Variants in NCR1 observed in about 807,000 individuals in gnomAD.
NCR1 encodes NK cell-activating receptor.
In NCR1, 30 loss-of-function variants were observed where a neutral mutation model predicts 32.5. The observed-to-expected ratio is 0.92, with a 90% CI of 0.69 to 1.25. The LOEUF (loss-of-function observed/expected upper bound fraction) is 1.25. Ranked by LOEUF, NCR1 falls within the 50% of genes most tolerant of loss-of-function variation. NCR1 has a pLI of 0.00. For missense variants in NCR1, 369 were observed against 380.7 expected (o/e 0.97, Z 0.26); for synonymous variants, 169 against 143.4 (o/e 1.18, Z -1.28).
At chr19:54,909,824 A>G (rs1347793916) in intron 4 of NCR1, among the ~76,000 whole-genome samples, 194 bp from the exon 5 acceptor site, 2 of 150,980 alleles carry the variant, frequency 1.3e-5, no homozygotes, top group East Asian at 3.9e-4. Context: ...AGTCCCAGCT[A>G]CTCAGGAGGC....
intron 3 of NCR1, among the ~76,000 whole-genome samples, chr19:54,907,593 C>A (rs1238256830): frequency 1.3e-5 from 2 of 150,164 alleles, no homozygotes; most frequent in South Asian, 2.1e-4. Context: ...TTTGTTTATA[C>A]CAGCAACACC....
chr19:54,922,710 C>T, the NCR1 span, among the ~76,000 whole-genome samples: 5 of 137,218 alleles, frequency 3.6e-5, no homozygotes, highest in African/African-American at 5.5e-5. Context: ...ACCTGGGAGG[C>T]GCGGTTGCAG....
At chr19:54,906,487 G>A in intron 2 of NCR1, 36 bp from the exon 3 acceptor site, 3 of 1,599,646 alleles carry the variant, frequency 1.9e-6, no homozygotes, top group Non-Finnish European at 2.5e-6. Context: ...GGGGGAGGGG[G>A]CTCCGCTGGA....
the NCR1 span, among the ~76,000 whole-genome samples, chr19:54,926,988 G>A: frequency 2.0e-5 from 3 of 151,784 alleles, no homozygotes; most frequent in Non-Finnish European, 4.4e-5. Flanking sequence ...TACTCAGGAG[G>A]TTGAGGCAGG....
At chr19:54,909,565 G>C (rs3765014) in intron 4 of NCR1, 42 bp downstream of exon 4, 1,221,244 of 1,572,516 alleles carry the variant, frequency 0.78, 482,230 homozygotes, top group Non-Finnish European at 0.82. Context: ...GCCGCCATGT[G>C]CTACCTGGAG....
chr19:54,927,572 AAAAC>A, the NCR1 span: 899,371 of 1,607,956 alleles, frequency 0.56, 253,779 homozygotes, highest in East Asian at 0.72. Context: ...ACAAAAACAA[AAAAC>A]AAAACAAAAC....
downstream of NCR1, among the ~76,000 whole-genome samples, chr19:54,918,218 C>T (rs2068174015): frequency 6.6e-6 from 1 of 151,948 alleles, no homozygotes; most frequent in Non-Finnish European, 1.5e-5. Flanking sequence ...AGGTGTAAGC[C>T]ACCGCACCCG....
the NCR1 span, chr19:54,930,712 ACGCCCTGTGAAG>A: frequency 6.5e-7 from 1 of 1,537,408 alleles, no homozygotes; most frequent in Non-Finnish European, 9.0e-7. Context: ...CCTCTGGCTA[ACGCCCTGTGAAG>A]CAGTTATTTC....
the NCR1 span, among the ~76,000 whole-genome samples, chr19:54,926,107 C>T: frequency 1.2e-4 from 18 of 151,938 alleles, no homozygotes; most frequent in African/African-American, 3.9e-4. Context: ...AAGATATACA[C>T]GGGTCACAAC....
intron 5 of NCR1, among the ~76,000 whole-genome samples, chr19:54,911,345 T>A: frequency 7.4e-6 from 1 of 135,646 alleles, no homozygotes. Context: ...TGAGACTCCG[T>A]CTCAAAAAAA....
chr19:54,930,463 A>G, the NCR1 span: 1 of 1,502,472 alleles, frequency 6.7e-7, no homozygotes, highest in African/African-American at 1.4e-5. Flanking sequence ...CCCTGTCTCA[A>G]AAAAAGAAAG....
chr19:54,937,429 T>C, the NCR1 span, among the ~76,000 whole-genome samples: 1 of 151,578 alleles, frequency 6.6e-6, no homozygotes, highest in Admixed American at 6.6e-5. Flanking sequence ...TGGTGGCTCA[T>C]GCCTGTAATC....
the NCR1 span, among the ~76,000 whole-genome samples, chr19:54,923,054 A>T: frequency 1.1e-4 from 16 of 152,286 alleles, no homozygotes; most frequent in East Asian, 2.5e-3. Flanking sequence ...AGGCAGGGCC[A>T]TCTTCTGAAT....
At chr19:54,937,246 G>T in the NCR1 span, among the ~76,000 whole-genome samples, 1 of 151,566 alleles carries the variant, frequency 6.6e-6, no homozygotes, top group Non-Finnish European at 1.5e-5. Context: ...AGAAGCAGAG[G>T]ATCAGGAAAA....
chr19:54,922,778 C>CAAAAAAAAAAAA, the NCR1 span, among the ~76,000 whole-genome samples: 1 of 39,436 alleles, frequency 2.5e-5, no homozygotes, highest in Non-Finnish European at 4.4e-5. Flanking sequence ...AACTCCGTCT[C>CAAAAAAAAAAAA]AAAAAAAAAA....
downstream of NCR1, among the ~76,000 whole-genome samples, chr19:54,916,338 T>TTTTTG (rs1556721210): frequency 0.031 from 4,128 of 131,318 alleles, 138 homozygotes; most frequent in African/African-American, 0.079. Context: ...TTTTTTTTTT[T>TTTTTG]GAGACGAAGT....
chr19:54,909,934 CAAA>C (rs11345154), intron 4 of NCR1, 81 bp from the exon 5 acceptor site: 6,377 of 603,834 alleles, frequency 0.011, no homozygotes, highest in East Asian at 0.019. Context: ...GACTCCATCT[CAAA>C]AAAAAAAAAA....
rs966441909 is a variant in NCR1, at chr19:54,909,394, G to C, written c.505G>C (p.Gly169Arg). 1 of 1,613,910 alleles carries C rather than the reference G, an allele frequency of 6.2e-7. No homozygotes were observed. The change falls in exon 4 of 7, where the codon GGG (glycine) becomes CGG (arginine). Residue 169 changes from glycine (G) to arginine (R), a missense_variant. By Grantham distance (125) the Gly-to-Arg change is moderately radical. Coordinates refer to ENST00000291890, the MANE Select transcript of NCR1 (RefSeq NM_004829.7). ...GRSSHVQRGY[G>R]KVQAEFPLGP... Reference sequence around the variant, plus strand: ...ATCCAGCCACGTACAGCGCGGATACGGGAAGGTCCAGGCGGAGTTCCCCCT... The same window carrying C: ...ATCCAGCCACGTACAGCGCGGATACCGGAAGGTCCAGGCGGAGTTCCCCCT...
the NCR1 span, among the ~76,000 whole-genome samples, chr19:54,933,170 G>A: frequency 2.6e-5 from 4 of 151,934 alleles, no homozygotes; most frequent in African/African-American, 7.3e-5. Flanking sequence ...TTTTGAGAAG[G>A]AGTCTTGTTC....
Sources: gnomAD v4.1 joint callset for allele counts (sites outside exome capture counted in the v4.1 genomes callset) on GRCh38, gnomAD v4.1.1 for gene constraint, MANE v1.5 for transcripts, NCBI Gene and HGNC (gene_info 2026-07-23, HGNC 2026-07-21) for gene names.